MORN1: variants seen among roughly 807,000 people sequenced by gnomAD.
MORN1 encodes the protein MORN repeat-containing protein 1.
MORN1 carries 67 observed loss-of-function variants against 61.9 expected under a neutral mutation model. That is an observed-to-expected ratio of 1.08 (90% CI 0.89 to 1.33). The LOEUF (loss-of-function observed/expected upper bound fraction) is 1.33. MORN1 is among the 40% of genes most tolerant of loss of function. The probability of loss-of-function intolerance (pLI) is 0.00; values close to 1 mark genes in which losing one functional copy is unlikely to be tolerated. For synonymous variants in MORN1, 301 were observed against 292.0 expected (o/e 1.03, Z -0.31); for missense variants, 752 against 691.2 (o/e 1.09, Z -0.99).
intron 6 of MORN1, chr1:2,378,938 C>T: frequency 2.2e-6 from 1 of 459,968 alleles, no homozygotes; most frequent in Non-Finnish European, 4.4e-6. Flanking sequence ...GAGGAGCCTT[C>T]TCTGCTTTGG....
At chr1:2,332,304 CA>C (rs1287564661) in intron 12 of MORN1, 1 of 290,508 alleles carries the variant, frequency 3.4e-6, no homozygotes. Flanking sequence ...TTCTGAGGGA[CA>C]GGGGGCTCCC....
intron 12 of MORN1, among the ~76,000 whole-genome samples, chr1:2,335,828 T>TAGCCCAGCCCAGCCCAGTCCAGCCC (rs1641256227): frequency 1.4e-5 from 2 of 143,014 alleles, no homozygotes; most frequent in African/African-American, 6.1e-5. Flanking sequence ...CTCGCCTCCA[T>TAGCCCAGCCCAGCCCAGTCCAGCCC]AGCCCAGCCC....
intron 10 of MORN1, chr1:2,355,351 C>T (rs961707190): frequency 7.9e-6 from 12 of 1,525,450 alleles, no homozygotes; most frequent in Admixed American, 6.0e-5. Context: ...GCCCTGCTGC[C>T]CCACCTGGGA....
intron 12 of MORN1, among the ~76,000 whole-genome samples, chr1:2,329,930 T>C (rs1641114629): frequency 2.6e-5 from 4 of 152,160 alleles, no homozygotes; most frequent in Non-Finnish European, 5.9e-5. Flanking sequence ...TTTGTGTGTT[T>C]ATGGCGGAGA....
At chr1:2,378,369 C>T (rs1327154444) in intron 6 of MORN1, 1 of 155,750 alleles carries the variant, frequency 6.4e-6, no homozygotes, top group African/African-American at 2.4e-5. Flanking sequence ...CCAGGAGTCC[C>T]CCACTGGCCC....
chr1:2,351,477 G>A (rs1308651237), intron 10 of MORN1: 7 of 173,362 alleles, frequency 4.0e-5, no homozygotes, highest in East Asian at 1.8e-4. Flanking sequence ...GCAGGGGTAC[G>A]TTCGTGACGG....
intron 12 of MORN1, among the ~76,000 whole-genome samples, chr1:2,330,164 G>A (rs1042607535): frequency 1.3e-5 from 2 of 152,222 alleles, no homozygotes; most frequent in Non-Finnish European, 2.9e-5. Context: ...AGGCTGCTTT[G>A]CTGGCCAGGC....
At chr1:2,341,684 C>T (rs893404385) in intron 10 of MORN1, among the ~76,000 whole-genome samples, 12 of 139,108 alleles carry the variant, frequency 8.6e-5, no homozygotes, top group Admixed American at 2.2e-4. Context: ...AGCGAGACTC[C>T]GTCTCAAGAA....
Position 2,385,177 on chromosome 1 carries a change from A to G in MORN1, c.450-112T>C, listed in dbSNP as rs1422694020. The G allele has an allele frequency of 3.4e-5, 38 of 1,102,558 alleles. 1 individual carries two copies. The East Asian group carries it at 9.4e-4, about 27-fold the overall frequency. 68.3% of individuals were successfully genotyped at this position (1,102,558 alleles called of 1,614,324 possible). On this transcript the variant is annotated intron_variant, in intron 5 of 13. Transcript: ENST00000378531. The stretch of plus-strand genomic sequence containing the variant: ...GCAGGCACTGCGGGACCGAGGCAAA[A>G]ATAGGCCCGAGCAGATGGCCCCAAG...
intron 10 of MORN1, among the ~76,000 whole-genome samples, chr1:2,354,478 G>T (rs1413088943): frequency 6.6e-6 from 1 of 152,094 alleles, no homozygotes; most frequent in Non-Finnish European, 1.5e-5. Flanking sequence ...GAGGTGGGAG[G>T]ATCACCTGAG....
At chr1:2,340,980 A>G (rs1641382111) in intron 10 of MORN1, among the ~76,000 whole-genome samples, 1 of 152,224 alleles carries the variant, frequency 6.6e-6, no homozygotes, top group Non-Finnish European at 1.5e-5. Context: ...CGAGACCACG[A>G]CGCGGGCTGT....
Position 2,387,450 on chromosome 1 carries a change from A to G in MORN1, c.327T>C (p.Tyr109=), listed in dbSNP as rs886854763. ...GCATGCCGTGGGAGACCTCCCCTTC[A>G]TAACATCCGCCGGCTTTGTACTCCA... ...GVMEYKAGGC[Y]EGEVSHGMRE... Residue 109 remains tyrosine, a synonymous_variant, in exon 4 of 14, where the codon TAT becomes TAC. Coordinates refer to ENST00000378531, the MANE Select transcript of MORN1 (RefSeq NM_024848.3). The G allele has an allele frequency of 6.2e-6, 10 of 1,613,632 alleles. No homozygotes were observed. In the Admixed American group the frequency reaches 1.0e-4, roughly 16 times the overall value.
At chr1:2,385,664 G>C in intron 5 of MORN1, 143 bp downstream of exon 5, 3 of 683,516 alleles carry the variant, frequency 4.4e-6, no homozygotes, top group Admixed American at 4.6e-5. Flanking sequence ...TTGGCACTGG[G>C]GGGGTGGCGG....
chr1:2,344,757 C>A (rs11589063), intron 10 of MORN1, among the ~76,000 whole-genome samples: 28,543 of 152,142 alleles, frequency 0.19, 2,906 homozygotes, highest in Non-Finnish European at 0.24. Context: ...CGAGCCACAA[C>A]AGCTGCCTGC....
intron 1 of MORN1, chr1:2,390,649 C>G: frequency 1.0e-6 from 1 of 985,374 alleles, no homozygotes; most frequent in Non-Finnish European, 1.2e-6. Flanking sequence ...CTGTATCTGT[C>G]CCAAATCAGG....
chr1:2,332,416 C>T (rs755886945), intron 12 of MORN1: 43 of 356,178 alleles, frequency 1.2e-4, no homozygotes, highest in Admixed American at 2.9e-4. Flanking sequence ...TGTCCTTGGT[C>T]CACACTCAGG....
At chr1:2,325,303 T>G (rs1641002929) in intron 12 of MORN1, among the ~76,000 whole-genome samples, 1 of 148,208 alleles carries the variant, frequency 6.7e-6, no homozygotes, top group South Asian at 2.2e-4. Context: ...TCTCTCTCTC[T>G]CTTTTTCTCT....
chr1:2,384,150 T>C (rs1642434237), intron 6 of MORN1, among the ~76,000 whole-genome samples: 3 of 152,202 alleles, frequency 2.0e-5, no homozygotes, highest in Admixed American at 1.3e-4. Flanking sequence ...TTTTTCCCCA[T>C]TGGAGTGATC....
At position 2,390,409 on chromosome 1, in the gene MORN1, C is replaced by G. The variant is rs139403314; in HGVS notation, c.77-413G>C. 1.5e-3 allele frequency: 1,477 copies of G among 984,952 alleles called. 14 individuals carry two copies. In the African/African-American group the frequency reaches 0.024, roughly 16 times the overall value. The allele number at this position is 984,952 out of a possible 1,614,324, so 61.0% of individuals were successfully genotyped here. On this transcript the variant is annotated intron_variant, in intron 1 of 13. Coordinates refer to ENST00000378531, the MANE Select transcript of MORN1 (RefSeq NM_024848.3). ...AGGGGAGGAGCAGACTCTCCCATCC[C>G]CTGCCGTGGCCCTTCAGTGGCCTCC...
Sources: allele counts gnomAD v4.1 joint callset (sites outside exome capture counted in the v4.1 genomes callset), GRCh38; gene constraint gnomAD v4.1.1; transcripts MANE v1.5; gene names NCBI Gene and HGNC (gene_info 2026-07-23, HGNC 2026-07-21).